Variants in FAM178B observed in about 807,000 individuals in gnomAD.
FAM178B encodes the protein family with sequence similarity 178 member B.
A neutral mutation model predicts 91.7 loss-of-function variants in FAM178B; 82 were observed. The observed-to-expected ratio is 0.89, with a 90% CI of 0.75 to 1.07. FAM178B has a LOEUF of 1.07. Ranked by LOEUF, FAM178B falls within the 50% of genes least tolerant of loss-of-function variation. FAM178B has a pLI of 0.00. For missense variants in FAM178B, 769 were observed against 846.7 expected (o/e 0.91, Z 1.14); for synonymous variants, 368 against 359.4 (o/e 1.02, Z -0.27).
Position 96,886,398 on chromosome 2 carries a change from A to G in FAM178B, c.1776+7528T>C, listed in dbSNP as rs144873362. 1.7e-3 allele frequency among the ~76,000 whole-genome samples: 257 copies of G among 152,322 alleles called. 2 individuals are homozygous for G. Among genetic ancestry groups the G allele is most frequent in the African/African-American group, 5.9e-3 (245 of 41,570 alleles). ...GGCCGAAGCTCTTTCTTGTCCAGGA[A>G]GAGTTAAAGGATGAGGAGACCCAGG... On this transcript the variant is annotated intron_variant, in intron 14 of 16. Coordinates refer to ENST00000490605, the MANE Select transcript of FAM178B (RefSeq NM_001122646.3).
chr2:96,967,027 A>G (rs2082151757), intron 5 of FAM178B, among the ~76,000 whole-genome samples: 1 of 152,154 alleles, frequency 6.6e-6, no homozygotes, highest in Non-Finnish European at 1.5e-5. Flanking sequence ...CTGAAGATGG[A>G]TTCGGTTGTG....
At chr2:96,930,356 A>ATTTT (rs2081519894) in intron 8 of FAM178B, among the ~76,000 whole-genome samples, 1 of 152,148 alleles carries the variant, frequency 6.6e-6, no homozygotes, top group Non-Finnish European at 1.5e-5. Context: ...GAAAGATAAA[A>ATTTT]AAGAATGGGT....
At chr2:96,976,750 A>AG (rs1279157557) in intron 1 of FAM178B, among the ~76,000 whole-genome samples, 1 of 152,126 alleles carries the variant, frequency 6.6e-6, no homozygotes, top group East Asian at 1.9e-4. Context: ...CAGGAGGCTG[A>AG]GGCAGGAGAA....
At chr2:96,980,892 TAC>T (rs1210777914) in intron 1 of FAM178B, among the ~76,000 whole-genome samples, 1 of 152,346 alleles carries the variant, frequency 6.6e-6, no homozygotes, top group East Asian at 1.9e-4. Flanking sequence ...AAGTATTCTT[TAC>T]ACAGTCTTGA....
intron 4 of FAM178B, among the ~76,000 whole-genome samples, chr2:96,968,193 T>C (rs189338218): frequency 6.6e-6 from 1 of 152,162 alleles, no homozygotes; most frequent in African/African-American, 2.4e-5. Flanking sequence ...GACACGTGCA[T>C]GGCCTGACTC....
At chr2:96,890,898 T>C (rs1219895030) in intron 14 of FAM178B, among the ~76,000 whole-genome samples, 1 of 152,186 alleles carries the variant, frequency 6.6e-6, no homozygotes, top group African/African-American at 2.4e-5. Flanking sequence ...CCAAACCAGA[T>C]GTTTACTCTT....
At chr2:96,889,242 A>G (rs377544246) in intron 14 of FAM178B, among the ~76,000 whole-genome samples, 1 of 152,286 alleles carries the variant, frequency 6.6e-6, no homozygotes. Context: ...GTTTCTTTCC[A>G]TACAATGGGA....
At chr2:96,938,939 C>T (rs1461427694) in intron 8 of FAM178B, 2 of 152,514 alleles carry the variant, frequency 1.3e-5, no homozygotes, top group Non-Finnish European at 2.9e-5. Context: ...TGTGGTGGCT[C>T]ACACCTGTAA....
intron 10 of FAM178B, among the ~76,000 whole-genome samples, chr2:96,922,274 A>G (rs1460819579): frequency 6.6e-6 from 1 of 152,208 alleles, no homozygotes; most frequent in Non-Finnish European, 1.5e-5. Flanking sequence ...TACTTAGCAC[A>G]TAATCAAGAA....
intron 8 of FAM178B, among the ~76,000 whole-genome samples, chr2:96,936,498 GTT>G (rs772029073): frequency 2.9e-5 from 4 of 136,070 alleles, no homozygotes; most frequent in East Asian, 4.5e-4. Context: ...CCACGCCCGG[GTT>G]TTTTTTTTTT....
At chr2:96,893,564 C>T (rs747017999) in intron 14 of FAM178B, among the ~76,000 whole-genome samples, 1 of 152,038 alleles carries the variant, frequency 6.6e-6, no homozygotes, top group South Asian at 2.1e-4. Context: ...CTGCGCTTAT[C>T]CTGATGTGCT....
intron 14 of FAM178B, among the ~76,000 whole-genome samples, chr2:96,893,192 C>T (rs1219982299): frequency 3.9e-5 from 6 of 152,134 alleles, no homozygotes; most frequent in Non-Finnish European, 7.4e-5. Context: ...TCTTCATTCC[C>T]GAGTCCCCAG....
At chr2:96,886,518 C>T (rs1284221635) in intron 14 of FAM178B, among the ~76,000 whole-genome samples, 1 of 152,110 alleles carries the variant, frequency 6.6e-6, no homozygotes, top group Non-Finnish European at 1.5e-5. Flanking sequence ...GGGAAGGCGC[C>T]AAGGGCCAGA....
chr2:96,934,589 T>G (rs1039081321), intron 8 of FAM178B, among the ~76,000 whole-genome samples: 2 of 152,192 alleles, frequency 1.3e-5, no homozygotes, highest in Admixed American at 6.5e-5. Flanking sequence ...CACATTTTGT[T>G]GCCCCGATGA....
At chr2:96,896,002 C>T (rs1355131521) in intron 13 of FAM178B, among the ~76,000 whole-genome samples, 1 of 152,192 alleles carries the variant, frequency 6.6e-6, no homozygotes, top group Admixed American at 6.5e-5. Flanking sequence ...CGAAGGGAGG[C>T]ACCATCTGGG....
chr2:96,929,195 G>GAAGT lies in FAM178B; in HGVS notation c.1193+7_1193+10dup. The GAAGT allele has an allele frequency of 6.6e-7, 1 of 1,523,150 alleles. No individual in the cohort carries two copies. The highest frequency in any genetic ancestry group is 8.9e-7 in the Non-Finnish European group (1 of 1,121,094). 94.4% of individuals were successfully genotyped at this position (1,523,150 alleles called of 1,614,324 possible). A position where few individuals can be genotyped will look rare whatever the true frequency, so the allele number is the denominator to read the frequency against. ...GAAAGAAAAAGGCAGTGAGGAAGCA[G>GAAGT]AAGTACTCACCTGCCACCGTGCCAA... On this transcript the variant is annotated intron_variant, in intron 9 of 16. Transcript: ENST00000490605.
intron 12 of FAM178B, among the ~76,000 whole-genome samples, chr2:96,909,065 C>G (rs556840160): frequency 6.6e-6 from 1 of 151,276 alleles, no homozygotes; most frequent in African/African-American, 2.4e-5. Flanking sequence ...ATCACTTGAA[C>G]CTGGGAGGCA....
chr2:96,980,630 T>G (rs1459704547), intron 1 of FAM178B, among the ~76,000 whole-genome samples: 6 of 152,170 alleles, frequency 3.9e-5, no homozygotes, highest in Non-Finnish European at 8.8e-5. Context: ...CTCAAACTTC[T>G]GGGCTCAAGT....
chr2:96,985,601 G>A (rs2082413217), intron 1 of FAM178B, among the ~76,000 whole-genome samples: 1 of 152,200 alleles, frequency 6.6e-6, no homozygotes, highest in Non-Finnish European at 1.5e-5. Context: ...GGAATCCCAA[G>A]TGCTTTGGGC....
Sources: gnomAD v4.1 joint callset for allele counts (sites outside exome capture counted in the v4.1 genomes callset) on GRCh38, gnomAD v4.1.1 for gene constraint, MANE v1.5 for transcripts, NCBI Gene and HGNC (gene_info 2026-07-23, HGNC 2026-07-21) for gene names.